Variants in ESRRB observed in about 807,000 individuals in gnomAD.
The protein encoded by ESRRB is steroid hormone receptor ERR2.
Under a neutral mutation model 46.0 loss-of-function variants are expected in ESRRB, and 16 were observed. That is an observed-to-expected ratio of 0.35 (90% CI 0.24 to 0.53). ESRRB has a LOEUF of 0.53. Ranked by LOEUF, ESRRB falls within the 20% of genes least tolerant of loss-of-function variation. ESRRB has a pLI of 0.93. For synonymous variants in ESRRB, 246 were observed against 259.6 expected, an observed-to-expected ratio of 0.95 and a Z score of 0.50; for missense variants, 488 against 607.4, an observed-to-expected ratio of 0.80 and a Z score of 2.07.
chr14:76,336,020 C>A (rs1361639479), intron 1 of ESRRB, among the ~76,000 whole-genome samples: 3 of 152,198 alleles, frequency 2.0e-5, no homozygotes, highest in Non-Finnish European at 4.4e-5. Flanking sequence ...AAATAACGGG[C>A]AGAGCTGGGA....
chr14:76,370,587 G>C (rs1884599375), upstream of ESRRB, among the ~76,000 whole-genome samples: 1 of 152,100 alleles, frequency 6.6e-6, no homozygotes, highest in Non-Finnish European at 1.5e-5. Context: ...TTAGCTACCA[G>C]GTACTATCGA....
At chr14:76,481,726 G>C (rs1889812194) in intron 3 of ESRRB, among the ~76,000 whole-genome samples, 1 of 152,208 alleles carries the variant, frequency 6.6e-6, no homozygotes, top group African/African-American at 2.4e-5. Context: ...GAGTGCCTTT[G>C]TTGACATAAG....
At chr14:76,399,603 T>G (rs781126087) in intron 1 of ESRRB, among the ~76,000 whole-genome samples, 57 of 152,210 alleles carry the variant, frequency 3.7e-4, no homozygotes, top group Non-Finnish European at 6.8e-4. Flanking sequence ...TCTAGGGAAT[T>G]AGCTGGGTGA....
In ESRRB at chr14:76,439,723, A is replaced by G; in HGVS notation, c.433A>G (p.Lys145Glu). The G allele has an allele frequency of 6.2e-7, 1 of 1,614,012 alleles. No homozygotes were observed. Among genetic ancestry groups the G allele is most frequent in the Non-Finnish European group, 8.5e-7 (1 of 1,179,874 alleles). ...HYGVASCEACKAFFKRTIQGN... is the reference protein window; with the variant it reads ...HYGVASCEACEAFFKRTIQGN... ...CGGCGTGGCCTCCTGCGAGGCTTGC[A>G]AGGCCTTCTTCAAGAGGACTATCCA... The change falls in exon 2 of 7, where the codon AAG (lysine) becomes GAG (glutamate). Residue 145 changes from lysine to glutamate, a missense_variant. Coordinates refer to ENST00000644823, the MANE Select transcript of ESRRB (RefSeq NM_001379180.1).
At chr14:76,450,179 G>T (rs576392306) in intron 2 of ESRRB, among the ~76,000 whole-genome samples, 40 of 152,232 alleles carry the variant, frequency 2.6e-4, no homozygotes, top group African/African-American at 9.4e-4. Flanking sequence ...ATTAGGGAAG[G>T]TTGTGCTAAT....
chr14:76,345,619 T>C (rs1246639625), intron 1 of ESRRB, among the ~76,000 whole-genome samples: 1 of 151,852 alleles, frequency 6.6e-6, no homozygotes, highest in African/African-American at 2.4e-5. Context: ...ACAGCCACTA[T>C]GGAAAACAGT....
chr14:76,494,855 T>C (rs972579402), intron 6 of ESRRB, among the ~76,000 whole-genome samples: 5 of 152,142 alleles, frequency 3.3e-5, no homozygotes, highest in South Asian at 2.1e-4. Flanking sequence ...TCAAGCCCTC[T>C]ATTCTGGGCT....
intron 1 of ESRRB, among the ~76,000 whole-genome samples, chr14:76,429,493 G>A (rs539576439): frequency 1.2e-4 from 19 of 152,182 alleles, no homozygotes; most frequent in Non-Finnish European, 2.8e-4. Flanking sequence ...GCTCATGCCT[G>A]TAATCCCAGC....
At chr14:76,326,479 T>C (rs569546912) in intron 1 of ESRRB, among the ~76,000 whole-genome samples, 15 of 152,246 alleles carry the variant, frequency 9.9e-5, no homozygotes, top group South Asian at 2.1e-4. Flanking sequence ...AACAATAAAA[T>C]CCAATCTTGT....
intron 3 of ESRRB, chr14:76,463,445 G>GTTTTTTTTGTTGTTTTTT (rs1362309981): frequency 8.7e-6 from 1 of 114,738 alleles, no homozygotes; most frequent in Non-Finnish European, 1.8e-5. Context: ...ATGCTTCTTT[G>GTTTTTTTTGTTGTTTTTT]TTTTTTTTTT....
chr14:76,474,816 C>CAAACAAAACAAAACAAAACAAAACA (rs138037395), intron 3 of ESRRB, among the ~76,000 whole-genome samples: 1 of 149,328 alleles, frequency 6.7e-6, no homozygotes, highest in African/African-American at 2.5e-5. Context: ...GACCCTGTCT[C>CAAACAAAACAAAACAAAACAAAACA]AAACAAAACA....
intron 1 of ESRRB, among the ~76,000 whole-genome samples, chr14:76,334,721 T>C (rs1026700863): frequency 6.6e-6 from 1 of 152,186 alleles, no homozygotes; most frequent in Non-Finnish European, 1.5e-5. Context: ...TGGCCCAGCC[T>C]CTGACCCTCC....
intron 1 of ESRRB, among the ~76,000 whole-genome samples, chr14:76,378,526 C>T (rs1184705002): frequency 6.6e-6 from 1 of 152,076 alleles, no homozygotes; most frequent in Non-Finnish European, 1.5e-5. Context: ...GCTTGTCCCT[C>T]CATGGGGCAC....
intron 1 of ESRRB, among the ~76,000 whole-genome samples, chr14:76,387,736 A>G (rs1431553595): frequency 6.6e-6 from 1 of 152,222 alleles, no homozygotes; most frequent in Non-Finnish European, 1.5e-5. Flanking sequence ...TTTCAGAGCC[A>G]GATACTGGTG....
At chr14:76,477,507 G>A (rs574432581) in intron 3 of ESRRB, among the ~76,000 whole-genome samples, 24 of 152,110 alleles carry the variant, frequency 1.6e-4, no homozygotes, top group Non-Finnish European at 3.4e-4. Context: ...TTTTACCATC[G>A]CCTCCTTCCC....
intron 5 of ESRRB, among the ~76,000 whole-genome samples, chr14:76,485,929 G>C (rs1890000867): frequency 6.6e-6 from 1 of 152,176 alleles, no homozygotes; most frequent in Non-Finnish European, 1.5e-5. Flanking sequence ...CCTGATAGGA[G>C]TTGTGGCTGA....
intron 1 of ESRRB, among the ~76,000 whole-genome samples, chr14:76,382,843 A>T (rs8017086): frequency 0.25 from 38,105 of 150,548 alleles, 4,907 homozygotes; most frequent in South Asian, 0.28. Context: ...TTTCTTTTTT[A>T]AAAAAAAAAT....
In ESRRB at chr14:76,491,401, C is replaced by T. The variant is rs898579025; in HGVS notation, c.851-46C>T. On this transcript the variant is annotated intron_variant, in intron 5 of 6. Transcript: ENST00000644823. ...GCGAGCCCCAGGGAGGCCCCTGGTC[C>T]GCCCTCCTGACCTGCTGCTGCCCTC... The T allele has an allele frequency of 5.5e-5, 88 of 1,597,354 alleles. No homozygotes were observed. In the South Asian group the frequency reaches 6.4e-4, roughly 12 times the overall value.
intron 5 of ESRRB, among the ~76,000 whole-genome samples, chr14:76,486,940 G>A (rs1397611309): frequency 6.6e-6 from 1 of 152,234 alleles, no homozygotes; most frequent in African/African-American, 2.4e-5. Flanking sequence ...GCAGGGAGGA[G>A]TGCCTGGGCT....
Sources: gnomAD v4.1 joint callset for allele counts (sites outside exome capture counted in the v4.1 genomes callset) on GRCh38, gnomAD v4.1.1 for gene constraint, MANE v1.5 for transcripts, NCBI Gene and HGNC (gene_info 2026-07-23, HGNC 2026-07-21) for gene names.